The following OSBPL8 variants were observed in gnomAD, a reference collection of about 807,000 sequenced individuals.
OSBPL8 encodes the protein oxysterol-binding protein-related protein 8.
OSBPL8 carries 59 observed loss-of-function variants against 125.5 expected under a neutral mutation model. The ratio of observed to expected loss-of-function variants is 0.47; its 90% confidence interval spans 0.38 to 0.58. OSBPL8 has a LOEUF of 0.58. Ranked by LOEUF, OSBPL8 falls within the 20% of genes least tolerant of loss-of-function variation. The pLI is 0.00. For missense variants in OSBPL8, 758 were observed against 1,047.8 expected, an observed-to-expected ratio of 0.72 and a Z score of 3.82; for synonymous variants, 330 against 338.9, an observed-to-expected ratio of 0.97 and a Z score of 0.29.
chr12:76,487,494 T>G lies in OSBPL8; in HGVS notation c.42+16A>C. ...GTTACAGATGATAGAACCTATGTCA[T>G]ATATGAACTACTCACCGAAGTTCGA... On this transcript the variant is annotated intron_variant, in intron 2 of 23. Coordinates refer to ENST00000261183, the MANE Select transcript of OSBPL8 (RefSeq NM_020841.5). 2 of 1,589,706 alleles carry G rather than the reference T, an allele frequency of 1.3e-6. No individual in the cohort carries two copies. The highest frequency in any genetic ancestry group is 1.7e-6 in the Non-Finnish European group (2 of 1,169,810).
chr12:76,492,131 T>TGTA (rs946776356), intron 1 of OSBPL8, among the ~76,000 whole-genome samples: 5 of 152,152 alleles, frequency 3.3e-5, no homozygotes, highest in Non-Finnish European at 5.9e-5. Flanking sequence ...AGGCTAAGAC[T>TGTA]ACCCAGGGAT....
At chr12:76,461,182 C>A (rs894356148) in intron 2 of OSBPL8, among the ~76,000 whole-genome samples, 1 of 152,148 alleles carries the variant, frequency 6.6e-6, no homozygotes, top group Non-Finnish European at 1.5e-5. Context: ...GCCACCACAC[C>A]AGGCCCTAAA....
chr12:76,368,918 G>T (rs1952516097), intron 21 of OSBPL8, among the ~76,000 whole-genome samples: 1 of 152,050 alleles, frequency 6.6e-6, no homozygotes, highest in Non-Finnish European at 1.5e-5. Flanking sequence ...TACTGCACTG[G>T]GATGGACCTG....
chr12:76,393,913 G>A (rs1271509458), intron 9 of OSBPL8, among the ~76,000 whole-genome samples: 1 of 151,940 alleles, frequency 6.6e-6, no homozygotes, highest in Non-Finnish European at 1.5e-5. Flanking sequence ...CCAGCTACCC[G>A]GGAGGCTGAG....
chr12:76,548,346 T>A (rs1242110606), intron 1 of OSBPL8, among the ~76,000 whole-genome samples: 1 of 152,134 alleles, frequency 6.6e-6, no homozygotes, highest in Non-Finnish European at 1.5e-5. Flanking sequence ...AACCAATACG[T>A]CTGAGAAGAT....
At position 76,523,012 on chromosome 12, in the gene OSBPL8, A is replaced by AT. The variant is rs1439371099; in HGVS notation, c.-67-35395dup. On this transcript the variant is annotated intron_variant, in intron 1 of 23. Transcript: ENST00000261183. ...ACCACCACGCCTGGCTAATTTTTGT[A>AT]TTTTTTGTAGAGACGGGGTCTTGCC... is the stretch of plus-strand genomic sequence containing the variant. 5.3e-5 allele frequency among the ~76,000 whole-genome samples: 8 copies of AT among 152,104 alleles called. 1 individual carries two copies. The East Asian group carries it at 5.8e-4, about 11-fold the overall frequency.
chr12:76,500,446 T>TG (rs201723854), intron 1 of OSBPL8, among the ~76,000 whole-genome samples: 3 of 152,048 alleles, frequency 2.0e-5, no homozygotes, highest in Non-Finnish European at 4.4e-5. Flanking sequence ...TAACTAGAAG[T>TG]ATTCTCTTGA....
At chr12:76,465,001 T>G (rs55869834) in intron 2 of OSBPL8, among the ~76,000 whole-genome samples, 54 of 152,318 alleles carry the variant, frequency 3.5e-4, no homozygotes, top group Middle Eastern at 3.4e-3. Flanking sequence ...CTGTCTGTTC[T>G]TCGAACAGGA....
At position 76,386,181 on chromosome 12, in the gene OSBPL8, T is replaced by C. The variant is rs1235189924; in HGVS notation, c.1520A>G (p.Tyr507Cys). 6.2e-7 allele frequency: 1 copy of C among 1,610,432 alleles called. No individual in the cohort carries two copies. The highest frequency in any genetic ancestry group is 2.2e-5 in the East Asian group (1 of 44,624). ...CATTTCTAATACCTGTTCAGCAATATAAAAAGTTTTGCTGTTTGTTCTGGG... is the reference window on the plus strand; with the variant it reads ...CATTTCTAATACCTGTTCAGCAATACAAAAAGTTTTGCTGTTTGTTCTGGG... Reference protein sequence around the residue: ...IHPRTNSKTFYIAEQVSHHPP... With the variant: ...IHPRTNSKTFCIAEQVSHHPP... The change falls in exon 14 of 24, where the codon TAT becomes TGT. Residue 507 changes from tyrosine to cysteine, a missense_variant. By Grantham distance (194) the Tyr-to-Cys change is radical (BLOSUM62 -2). This residue lies in a region of OSBPL8 where 572 missense variants were observed against 762.0 expected (regional missense o/e 0.75). Coordinates refer to ENST00000261183, the MANE Select transcript of OSBPL8 (RefSeq NM_020841.5).
intron 21 of OSBPL8, among the ~76,000 whole-genome samples, chr12:76,362,710 G>C (rs1318634275): frequency 6.6e-6 from 1 of 152,044 alleles, no homozygotes; most frequent in Non-Finnish European, 1.5e-5. Context: ...AGAAATAGAG[G>C]GTATTCAAAT....
chr12:76,467,395 A>G (rs948132592), intron 2 of OSBPL8, among the ~76,000 whole-genome samples: 2 of 152,164 alleles, frequency 1.3e-5, no homozygotes, highest in African/African-American at 4.8e-5. Flanking sequence ...CCAAAACTTC[A>G]AAACATTTCT....
rs779349404 is a variant in OSBPL8 at position 76,392,689 on chromosome 12, A to G, written c.821T>C (p.Met274Thr). The change falls in exon 10 of 24, where the codon ATG (methionine) becomes ACG (threonine). Residue 274 changes from methionine (M) to threonine (T), a missense_variant. Transcript: ENST00000261183. ...LKCSSLLKRT[M>T]IREGKEHDLS... ...GTCATGTTCCTTTCCTTCTCTGATC[A>G]TTGTACGTTTAAGAAGACTAGAACA... is the stretch of plus-strand genomic sequence containing the variant. The G allele has an allele frequency of 5.0e-6, 8 of 1,614,048 alleles. No individual in the cohort carries two copies. The highest frequency in any genetic ancestry group is 1.1e-5 in the South Asian group (1 of 91,080).
intron 3 of OSBPL8, among the ~76,000 whole-genome samples, chr12:76,455,118 CTGTAG>C (rs1873875528): frequency 6.6e-6 from 1 of 151,912 alleles, no homozygotes; most frequent in South Asian, 2.1e-4. Flanking sequence ...TGGTGGGCAC[CTGTAG>C]TCCCAGCTAC....
intron 8 of OSBPL8, among the ~76,000 whole-genome samples, chr12:76,396,325 C>A (rs1278693724): frequency 1.3e-5 from 2 of 152,022 alleles, no homozygotes; most frequent in African/African-American, 4.8e-5. Context: ...CAATACCCTC[C>A]CCGCCCAAGA....
intron 15 of OSBPL8, among the ~76,000 whole-genome samples, chr12:76,380,917 G>A (rs555285412): frequency 6.6e-6 from 1 of 152,174 alleles, no homozygotes; most frequent in African/African-American, 2.4e-5. Context: ...CTAGTTCCTT[G>A]AGGACTAAGA....
intron 2 of OSBPL8, among the ~76,000 whole-genome samples, chr12:76,474,016 CCTA>C (rs1357163692): frequency 1.3e-5 from 2 of 152,094 alleles, no homozygotes; most frequent in Non-Finnish European, 2.9e-5. Flanking sequence ...AGCTTTATTT[CCTA>C]CTAATTCCCC....
chr12:76,528,672 T>TCA (rs140199626), intron 1 of OSBPL8, among the ~76,000 whole-genome samples: 61 of 150,042 alleles, frequency 4.1e-4, no homozygotes, highest in African/African-American at 7.8e-4. Context: ...TGTAACAGAA[T>TCA]CACACACACA....
At chr12:76,498,725 CTT>C (rs369287376) in intron 1 of OSBPL8, among the ~76,000 whole-genome samples, 4 of 102,486 alleles carry the variant, frequency 3.9e-5, no homozygotes, top group African/African-American at 3.9e-5. Flanking sequence ...AGCCTCCCCA[CTT>C]TTTTTTTTTT....
At chr12:76,551,170 G>A (rs931912454) in intron 1 of OSBPL8, among the ~76,000 whole-genome samples, 1 of 152,154 alleles carries the variant, frequency 6.6e-6, no homozygotes, top group Non-Finnish European at 1.5e-5. Context: ...TGGATATACA[G>A]AAATGAACTG....
Sources: allele counts gnomAD v4.1 joint callset (sites outside exome capture counted in the v4.1 genomes callset), GRCh38; gene constraint gnomAD v4.1.1; regional missense constraint gnomAD v4.1.1; transcripts MANE v1.5; gene names NCBI Gene and HGNC (gene_info 2026-07-23, HGNC 2026-07-21).